MRPS5: variants seen among roughly 807,000 people sequenced by gnomAD.
MRPS5 encodes small ribosomal subunit protein uS5m.
Under a neutral mutation model 51.9 loss-of-function variants are expected in MRPS5, and 27 were observed. That is an observed-to-expected ratio of 0.52 (90% confidence interval 0.38 to 0.72). The LOEUF is 0.72. MRPS5 is among the 30% of genes least tolerant of loss of function. MRPS5 has a pLI of 0.00. For missense variants in MRPS5, 570 were observed against 545.7 expected (o/e 1.04, Z -0.44); for synonymous variants, 196 against 193.2 (o/e 1.01, Z -0.12).
At chr2:95,118,712 G>C (rs1676360010) in intron 1 of MRPS5, among the ~76,000 whole-genome samples, 2 of 152,206 alleles carry the variant, frequency 1.3e-5, no homozygotes, top group Non-Finnish European at 2.9e-5. Flanking sequence ...ATGGGCAAGT[G>C]ATTTTTGACA....
intron 3 of MRPS5, among the ~76,000 whole-genome samples, chr2:95,112,572 T>G (rs1676153678): frequency 6.6e-6 from 1 of 152,230 alleles, no homozygotes; most frequent in Non-Finnish European, 1.5e-5. Flanking sequence ...TGAAAAAGTG[T>G]GTCCTTCTAT....
intron 10 of MRPS5, chr2:95,090,787 T>C (rs1357300860): frequency 9.9e-6 from 4 of 403,162 alleles, no homozygotes; most frequent in African/African-American, 8.0e-5. Flanking sequence ...GGATTGTTAT[T>C]GAGATTAATA....
chr2:95,094,380 A>G (rs1198700771), intron 10 of MRPS5, among the ~76,000 whole-genome samples: 2 of 152,210 alleles, frequency 1.3e-5, no homozygotes, highest in Non-Finnish European at 2.9e-5. Flanking sequence ...GGAAATACAG[A>G]GAACACCACA....
rs746758795 is a variant in MRPS5 at position 95,087,439 on chromosome 2, A to C, written c.1211T>G (p.Val404Gly). Reference protein sequence around the residue: ...DPEPEDEVPDVKLDWEDVKTA... With the variant: ...DPEPEDEVPDGKLDWEDVKTA... ...CTTCACATCTTCCCAGTCCAGTTTG[A>C]CGTCTGGAACCTCATCTTCTGGCTC... The change falls in exon 12 of 12, where the codon GTC becomes GGC. Residue 404 changes from valine to glycine, a missense_variant. Transcript: ENST00000272418. 2.5e-6 allele frequency: 4 copies of C among 1,614,098 alleles called. No individual in the cohort carries two copies. The highest frequency in any genetic ancestry group is 1.6e-4 in the Middle Eastern group (1 of 6,062).
At chr2:95,093,206 G>A (rs562983119) in intron 10 of MRPS5, 2 of 152,500 alleles carry the variant, frequency 1.3e-5, no homozygotes, top group East Asian at 3.9e-4. Context: ...CGGCCAGGAA[G>A]CTCGAACTGG....
At chr2:95,102,991 C>A (rs1376755122) in intron 7 of MRPS5, among the ~76,000 whole-genome samples, 2 of 152,106 alleles carry the variant, frequency 1.3e-5, no homozygotes, top group East Asian at 3.8e-4. Flanking sequence ...AATGCCAATT[C>A]CTAGTTTAAA....
chr2:95,101,200 A>C (rs538441975), intron 8 of MRPS5, among the ~76,000 whole-genome samples: 2 of 152,228 alleles, frequency 1.3e-5, no homozygotes, highest in Admixed American at 1.3e-4. Context: ...TCTGACCAAC[A>C]TGGAGAAACC....
chr2:95,087,705 G>C, intron 11 of MRPS5, 124 bp from the exon 12 acceptor site: 1 of 791,172 alleles, frequency 1.3e-6, no homozygotes. Flanking sequence ...AGTGGATTTG[G>C]GTTAATGTGT....
intron 10 of MRPS5, among the ~76,000 whole-genome samples, chr2:95,099,092 G>C (rs1321476459): frequency 6.6e-6 from 1 of 151,380 alleles, no homozygotes; most frequent in Non-Finnish European, 1.5e-5. Flanking sequence ...CTAATTTTTT[G>C]TATTTTTAGT....
rs1245091956 is a variant in MRPS5, at chr2:95,087,567, C to G, written c.1083G>C (p.Gln361His). The G allele has an allele frequency of 6.2e-7, 1 of 1,613,454 alleles. No homozygotes were observed. The highest frequency in any genetic ancestry group is 1.7e-5 in the Admixed American group (1 of 59,932). ...RGLSRQETHQ[Q>H]LADKKGLHVV... Reference sequence around the variant, plus strand: ...CATGGAGGCCCTTCTTATCAGCCAGCTGTTGATGGGTTTCCTAAGCAAGAC... The same window carrying G: ...CATGGAGGCCCTTCTTATCAGCCAGGTGTTGATGGGTTTCCTAAGCAAGAC... Residue 361 changes from glutamine (Q) to histidine (H), a missense_variant, in exon 12 of 12, where the codon CAG (glutamine) becomes CAC (histidine). By Grantham distance (24) the Gln-to-His change is conservative. Coordinates refer to ENST00000272418, the MANE Select transcript of MRPS5 (RefSeq NM_031902.5).
intron 6 of MRPS5, among the ~76,000 whole-genome samples, chr2:95,105,987 C>T (rs1675937303): frequency 6.6e-6 from 1 of 152,124 alleles, no homozygotes; most frequent in Non-Finnish European, 1.5e-5. Context: ...CTGTGAGCAA[C>T]CCAGAGACCA....
At chr2:95,113,056 G>A (rs911085857) in intron 3 of MRPS5, among the ~76,000 whole-genome samples, 17 of 151,894 alleles carry the variant, frequency 1.1e-4, no homozygotes, top group Admixed American at 2.6e-4. Context: ...TGAGGAAGAA[G>A]AGGAAGAACA....
chr2:95,089,640 C>G (rs946449336), intron 11 of MRPS5, among the ~76,000 whole-genome samples: 8 of 152,140 alleles, frequency 5.3e-5, no homozygotes, highest in African/African-American at 1.9e-4. Context: ...GGCATCAGTC[C>G]GAACCACCTA....
rs1675900318 is a variant in MRPS5, at chr2:95,104,702, T to C, written c.701A>G (p.Lys234Arg). ...ACGGATCGATTTCTTTCTTCCCTCTTTCGCAGTCATAGTGAAAACGTTTCT... is the reference window on the plus strand; with the variant it reads ...ACGGATCGATTTCTTTCTTCCCTCTCTCGCAGTCATAGTGAAAACGTTTCT... Reference protein sequence around the residue: ...EVRNVFTMTAKEGRKKSIRVL... With the variant: ...EVRNVFTMTAREGRKKSIRVL... The change falls in exon 7 of 12, where the codon AAA becomes AGA. Residue 234 changes from lysine (K) to arginine (R), a missense_variant. Physicochemically the swap from Lys to Arg is conservative, Grantham distance 26. Transcript: ENST00000272418. The C allele has an allele frequency of 6.2e-7, 1 of 1,614,086 alleles. No homozygotes were observed. Among genetic ancestry groups the C allele is most frequent in the Non-Finnish European group, 8.5e-7 (1 of 1,179,978 alleles).
At chr2:95,103,683 C>G (rs1188165173) in intron 7 of MRPS5, 1 of 152,092 alleles carries the variant, frequency 6.6e-6, no homozygotes, top group Non-Finnish European at 1.5e-5. Flanking sequence ...AAATATTCAG[C>G]AGTAGGGAAA....
chr2:95,105,028 A>C (rs1415719339), intron 6 of MRPS5, among the ~76,000 whole-genome samples: 1 of 152,238 alleles, frequency 6.6e-6, no homozygotes, highest in Non-Finnish European at 1.5e-5. Context: ...ATCTTAATGA[A>C]TGTATTACAA....
chr2:95,093,196 C>CTTGAGTA (rs1187205554), intron 10 of MRPS5: 2 of 152,400 alleles, frequency 1.3e-5, no homozygotes, highest in Non-Finnish European at 2.9e-5. Context: ...GTAAACAAAG[C>CTTGAGTA]GGCCAGGAAG....
At chr2:95,118,471 C>A (rs1486577095) in intron 1 of MRPS5, among the ~76,000 whole-genome samples, 2 of 152,274 alleles carry the variant, frequency 1.3e-5, no homozygotes. Context: ...TCTCCTCCAT[C>A]TTCCCTCTGG....
intron 5 of MRPS5, 140 bp from the exon 6 acceptor site, chr2:95,106,597 C>T (rs534428445): frequency 2.6e-5 from 18 of 697,930 alleles, no homozygotes; most frequent in Non-Finnish European, 3.6e-5. Flanking sequence ...CAAGGCCATG[C>T]CCCAGTCACC....
Sources: allele counts gnomAD v4.1 joint callset (sites outside exome capture counted in the v4.1 genomes callset), GRCh38; gene constraint gnomAD v4.1.1; transcripts MANE v1.5; gene names NCBI Gene and HGNC (gene_info 2026-07-23, HGNC 2026-07-21).